PRKCB: variants seen among roughly 807,000 people sequenced by gnomAD.
PRKCB encodes the protein protein kinase C beta type.
Under a neutral mutation model 81.5 loss-of-function variants are expected in PRKCB, and 13 were observed. The observed-to-expected ratio is 0.16, with a 90% CI of 0.10 to 0.25. The LOEUF is 0.25. Ranked by LOEUF, PRKCB falls within the 10% of genes least tolerant of loss-of-function variation. The pLI is 1.00. For synonymous variants in PRKCB, 335 were observed against 321.4 expected (o/e 1.04, Z -0.45); for missense variants, 509 against 875.7 (o/e 0.58, Z 5.29).
chr16:24,076,694 A>T (rs953322378), intron 5 of PRKCB, among the ~76,000 whole-genome samples: 2 of 152,116 alleles, frequency 1.3e-5, no homozygotes, highest in African/African-American at 4.8e-5. Flanking sequence ...TGTGCCTTTA[A>T]CTCACTGTTT....
At chr16:23,950,510 C>G (rs576417961) in intron 2 of PRKCB, among the ~76,000 whole-genome samples, 6 of 152,290 alleles carry the variant, frequency 3.9e-5, no homozygotes, top group Admixed American at 2.6e-4. Context: ...CCAGTACTGC[C>G]GTGGACAAGC....
intron 2 of PRKCB, among the ~76,000 whole-genome samples, chr16:23,900,651 C>T (rs74559778): frequency 0.017 from 2,491 of 145,064 alleles, 71 homozygotes; most frequent in African/African-American, 0.058. Flanking sequence ...TATGTGATGA[C>T]GTATCTTAGA....
chr16:23,994,918 A>T (rs1473156234), intron 3 of PRKCB, among the ~76,000 whole-genome samples: 1 of 152,092 alleles, frequency 6.6e-6, no homozygotes, highest in African/African-American at 2.4e-5. Context: ...TTTTCCTTCC[A>T]CAAGCTATGA....
intron 2 of PRKCB, among the ~76,000 whole-genome samples, chr16:23,976,292 T>A (rs1964624231): frequency 6.6e-6 from 1 of 152,102 alleles, no homozygotes; most frequent in Admixed American, 6.6e-5. Context: ...AGTGAGATTC[T>A]GTCTCAAAAA....
intron 2 of PRKCB, among the ~76,000 whole-genome samples, chr16:23,934,248 G>C (rs1273077975): frequency 6.6e-6 from 1 of 151,958 alleles, no homozygotes; most frequent in African/African-American, 2.4e-5. Flanking sequence ...TCTCTCTAGG[G>C]ACACTTTGCC....
intron 7 of PRKCB, among the ~76,000 whole-genome samples, chr16:24,096,693 A>ATATATATATATATG: frequency 1.0e-5 from 1 of 98,266 alleles, no homozygotes; most frequent in South Asian, 3.5e-4. Context: ...ATATATATAT[A>ATATATATATATATG]TATATATATA....
At chr16:24,144,587 C>T (rs1332081428) in intron 9 of PRKCB, among the ~76,000 whole-genome samples, 1 of 152,232 alleles carries the variant, frequency 6.6e-6, no homozygotes, top group African/African-American at 2.4e-5. Flanking sequence ...AGGCATGAGC[C>T]ACCAAGCCCG....
chr16:24,210,169 T>C (rs1168586005), intron 16 of PRKCB, among the ~76,000 whole-genome samples: 1 of 152,066 alleles, frequency 6.6e-6, no homozygotes, highest in African/African-American at 2.4e-5. Flanking sequence ...CATTCAGGGC[T>C]CAACATTCTC....
chr16:23,970,117 C>T (rs1964537662), intron 2 of PRKCB, among the ~76,000 whole-genome samples: 1 of 152,178 alleles, frequency 6.6e-6, no homozygotes, highest in Non-Finnish European at 1.5e-5. Flanking sequence ...GAGTGTTGCT[C>T]AAATGACAGG....
chr16:23,989,280 T>G (rs145242776), intron 3 of PRKCB, among the ~76,000 whole-genome samples: 3 of 152,224 alleles, frequency 2.0e-5, no homozygotes, highest in Admixed American at 2.0e-4. Context: ...TATTATTATT[T>G]AAGAGTGTTG....
At position 24,219,319 on chromosome 16, in the gene PRKCB, C is replaced by T. The variant is rs934399891; in HGVS notation, c.*4503C>T. The T allele has an allele frequency of 1.0e-6, 1 of 958,508 alleles. No individual in the cohort carries two copies. The highest frequency in any genetic ancestry group is 1.2e-6 in the Non-Finnish European group (1 of 821,800). The allele number at this position is 958,508 out of a possible 1,614,324, so 59.4% of individuals were successfully genotyped here. ...CTCCTTTAAGCTTTGGGTTTTCTCTCTTATAGTTTGTTGACACATGCTAAA... is the reference window on the plus strand; with the variant it reads ...CTCCTTTAAGCTTTGGGTTTTCTCTTTTATAGTTTGTTGACACATGCTAAA... On this transcript the variant is annotated 3_prime_UTR_variant, in exon 17 of 17. Transcript: ENST00000643927.
chr16:23,836,757 C>T (rs1962167255), intron 1 of PRKCB, among the ~76,000 whole-genome samples: 1 of 106,284 alleles, frequency 9.4e-6, no homozygotes, highest in African/African-American at 3.7e-5. Context: ...TCGCCCCCCA[C>T]CCCTTGTTTC....
chr16:24,051,914 A>G (rs78652423), intron 5 of PRKCB, among the ~76,000 whole-genome samples: 3,795 of 152,044 alleles, frequency 0.025, 154 homozygotes, highest in African/African-American at 0.087. Flanking sequence ...AAGGGAGACC[A>G]TCCTGGCCAA....
At chr16:24,020,955 C>T (rs1333544909) in intron 3 of PRKCB, among the ~76,000 whole-genome samples, 1 of 137,126 alleles carries the variant, frequency 7.3e-6, no homozygotes, top group African/African-American at 2.7e-5. Flanking sequence ...ACAGCCCATT[C>T]AGACTGAGAG....
chr16:23,891,398 A>G (rs138494991), intron 2 of PRKCB, among the ~76,000 whole-genome samples: 368 of 152,126 alleles, frequency 2.4e-3, no homozygotes, highest in African/African-American at 8.6e-3. Context: ...TTGAGTAGGG[A>G]AATTATGAGT....
chr16:24,164,591 C>T (rs1038588180), intron 10 of PRKCB, among the ~76,000 whole-genome samples: 2 of 152,132 alleles, frequency 1.3e-5, no homozygotes, highest in Non-Finnish European at 2.9e-5. Flanking sequence ...GACGGTGGAA[C>T]ACCCACGTAG....
In PRKCB at chr16:24,078,517, A is replaced by G. The variant is rs1011201671; in HGVS notation, c.530-14274A>G. ...CCCTCAGGGCCAACCTGAGGGGAAC[A>G]GATGTTTATGGGGGGCAGGTTTACT... On this transcript the variant is annotated intron_variant, in intron 5 of 16. Coordinates refer to ENST00000643927, the MANE Select transcript of PRKCB (RefSeq NM_002738.7). Among the ~76,000 whole-genome samples, 57 of 152,216 alleles carry G rather than the reference A, an allele frequency of 3.7e-4. 1 individual carries two copies. Among genetic ancestry groups the G allele is most frequent in the African/African-American group, 1.2e-3 (49 of 41,458 alleles).
At chr16:24,035,281 G>T in intron 4 of PRKCB, 138 bp from the exon 5 acceptor site, 1 of 1,090,128 alleles carries the variant, frequency 9.2e-7, no homozygotes, top group South Asian at 1.6e-5. Flanking sequence ...CAGGCAAGTT[G>T]GTCTCAGCCA....
At chr16:24,076,111 G>A (rs918573449) in intron 5 of PRKCB, among the ~76,000 whole-genome samples, 1 of 152,206 alleles carries the variant, frequency 6.6e-6, no homozygotes, top group Non-Finnish European at 1.5e-5. Context: ...GAGTTCCCAG[G>A]TGATGCTGAC....
Sources: gnomAD v4.1 joint callset for allele counts (sites outside exome capture counted in the v4.1 genomes callset) on GRCh38, gnomAD v4.1.1 for gene constraint, MANE v1.5 for transcripts, NCBI Gene and HGNC (gene_info 2026-07-23, HGNC 2026-07-21) for gene names.